The following MSRB3 variants were observed in gnomAD, a reference collection of about 807,000 sequenced individuals.
MSRB3 encodes the protein methionine sulfoxide reductase B3, also known as methionine-R-sulfoxide reductase B3.
Under a neutral mutation model 21.0 loss-of-function variants are expected in MSRB3, and 13 were observed. That is an observed-to-expected ratio of 0.62 (90% CI 0.40 to 0.98). MSRB3 has a LOEUF of 0.98. Among genes scored for constraint, MSRB3 ranks in the 50% least tolerant of loss-of-function variants. MSRB3 has a pLI of 0.00. For missense variants in MSRB3, 199 were observed against 230.3 expected, an observed-to-expected ratio of 0.86 and a Z score of 0.88; for synonymous variants, 87 against 88.6, an observed-to-expected ratio of 0.98 and a Z score of 0.10.
chr12:65,307,597 C>T (rs554565645), intron 1 of MSRB3, among the ~76,000 whole-genome samples: 323 of 151,972 alleles, frequency 2.1e-3, no homozygotes, highest in Non-Finnish European at 3.7e-3. Flanking sequence ...CTAGTATTTT[C>T]CATTTGCATT....
intron 5 of MSRB3, among the ~76,000 whole-genome samples, chr12:65,444,920 G>A (rs116683431): frequency 4.3e-3 from 649 of 151,960 alleles, no homozygotes; most frequent in Non-Finnish European, 5.6e-3. Flanking sequence ...TCTCCTCTCC[G>A]TTTATATTCA....
At chr12:65,419,861 G>A in intron 5 of MSRB3, 2 of 687,752 alleles carry the variant, frequency 2.9e-6, no homozygotes, top group Admixed American at 3.8e-5. Flanking sequence ...AGCCCCGGAA[G>A]CTGGTGGAGC....
chr12:65,450,769 C>T (rs1046052186), intron 5 of MSRB3, among the ~76,000 whole-genome samples: 1 of 152,140 alleles, frequency 6.6e-6, no homozygotes, highest in Non-Finnish European at 1.5e-5. Context: ...TGCCTATTAC[C>T]CTTTGAAGCA....
intron 5 of MSRB3, among the ~76,000 whole-genome samples, chr12:65,408,333 T>G (rs1347119037): frequency 6.6e-6 from 1 of 152,206 alleles, no homozygotes; most frequent in Non-Finnish European, 1.5e-5. Flanking sequence ...GACCTCGTGA[T>G]CCACCCACCT....
chr12:65,456,038 G>A (rs1447072174), intron 6 of MSRB3, among the ~76,000 whole-genome samples: 1 of 152,116 alleles, frequency 6.6e-6, no homozygotes, highest in Admixed American at 6.6e-5. Flanking sequence ...TGCCCAGCCT[G>A]CAATTTAGTT....
At chr12:65,298,400 A>C (rs1565820421) in intron 1 of MSRB3, among the ~76,000 whole-genome samples, 1 of 152,234 alleles carries the variant, frequency 6.6e-6, no homozygotes, top group East Asian at 1.9e-4. Flanking sequence ...AAGCAGTTTG[A>C]AGTAGATATG....
At chr12:65,407,336 A>G (rs1242305756) in intron 5 of MSRB3, among the ~76,000 whole-genome samples, 1 of 142,314 alleles carries the variant, frequency 7.0e-6, no homozygotes, top group African/African-American at 2.5e-5. Flanking sequence ...CTGTCCTGGT[A>G]TGTTTTTTTT....
chr12:65,414,032 G>C (rs1880849345), intron 5 of MSRB3, among the ~76,000 whole-genome samples: 1 of 152,140 alleles, frequency 6.6e-6, no homozygotes, highest in Admixed American at 6.5e-5. Context: ...GGAGGTGGAG[G>C]AGGGTAGCAG....
intron 5 of MSRB3, chr12:65,420,089 G>C (rs530889156): frequency 5.4e-5 from 25 of 459,830 alleles, no homozygotes; most frequent in African/African-American, 4.9e-4. Flanking sequence ...GTTTTGTATG[G>C]TGTGAGATGA....
At chr12:65,372,994 G>A (rs1260062280) in intron 5 of MSRB3, among the ~76,000 whole-genome samples, 2 of 152,106 alleles carry the variant, frequency 1.3e-5, no homozygotes, top group African/African-American at 4.8e-5. Flanking sequence ...CAAAGTCTCT[G>A]GGAAGTTTTT....
At chr12:65,327,060 T>A (rs969556668) in intron 3 of MSRB3, 126 bp downstream of exon 3, 4 of 740,114 alleles carry the variant, frequency 5.4e-6, no homozygotes, top group Admixed American at 2.1e-5. Flanking sequence ...TATGAATTAG[T>A]ATCCTTGAAA....
At chr12:65,344,464 C>A (rs1876353966) in intron 4 of MSRB3, among the ~76,000 whole-genome samples, 1 of 151,818 alleles carries the variant, frequency 6.6e-6, no homozygotes. Flanking sequence ...TAATAGCTTA[C>A]CAAATGGCCA....
intron 5 of MSRB3, among the ~76,000 whole-genome samples, chr12:65,398,532 A>G (rs536778543): frequency 6.6e-6 from 1 of 152,292 alleles, no homozygotes; most frequent in African/African-American, 2.4e-5. Context: ...GATAGATGGC[A>G]AAAATTTTCT....
At chr12:65,283,644 G>A (rs1366633497) in intron 1 of MSRB3, 1 of 152,140 alleles carries the variant, frequency 6.6e-6, no homozygotes, top group African/African-American at 2.4e-5. Context: ...TGTTGGCCAG[G>A]CTGGTCTTAA....
rs141145179 is a variant in MSRB3, at chr12:65,441,256, C to T, written c.293-12472C>T. Among the ~76,000 whole-genome samples, 43 of 151,954 alleles carry T rather than the reference C, an allele frequency of 2.8e-4. 1 individual carries two copies. The highest frequency in any genetic ancestry group is 3.4e-3 in the Middle Eastern group (1 of 294). On this transcript the variant is annotated intron_variant, in intron 5 of 6. Coordinates refer to ENST00000308259, the MANE Select transcript of MSRB3 (RefSeq NM_001031679.3). ...ACCTACAGGTCTTGATGCAGGACCC[C>T]GGCTCTATGAACTTAGTTGTAGTTC...
chr12:65,428,669 T>A (rs1881727252), intron 5 of MSRB3, among the ~76,000 whole-genome samples: 1 of 152,170 alleles, frequency 6.6e-6, no homozygotes. Flanking sequence ...TCCAAGGGCT[T>A]CTAATTGACT....
intron 5 of MSRB3, among the ~76,000 whole-genome samples, chr12:65,388,513 A>G (rs1208099928): frequency 1.3e-5 from 2 of 152,214 alleles, no homozygotes; most frequent in Non-Finnish European, 2.9e-5. Flanking sequence ...ATTAATGATT[A>G]TTTTATCTAA....
chr12:65,363,797 C>A (rs1199075420), intron 4 of MSRB3, among the ~76,000 whole-genome samples: 1 of 152,056 alleles, frequency 6.6e-6, no homozygotes, highest in Non-Finnish European at 1.5e-5. Context: ...ACCAGCCTGG[C>A]CAACATGGTG....
intron 4 of MSRB3, among the ~76,000 whole-genome samples, chr12:65,367,918 T>TAC (rs5798779): frequency 0.91 from 137,770 of 151,392 alleles, 63,612 homozygotes; most frequent in Non-Finnish European, 0.99. Flanking sequence ...CATATACATA[T>TAC]ACACACACAC....
Sources: allele counts gnomAD v4.1 joint callset (sites outside exome capture counted in the v4.1 genomes callset), GRCh38; gene constraint gnomAD v4.1.1; transcripts MANE v1.5; gene names NCBI Gene and HGNC (gene_info 2026-07-23, HGNC 2026-07-21).